SNTG2: variants seen among roughly 807,000 people sequenced by gnomAD.
The protein encoded by SNTG2 is gamma-2-syntrophin.
Under a neutral mutation model 70.9 loss-of-function variants are expected in SNTG2, and 74 were observed. The ratio of observed to expected loss-of-function variants is 1.04; its 90% CI spans 0.86 to 1.27. The LOEUF (loss-of-function observed/expected upper bound fraction) is 1.27. SNTG2 is among the 50% of genes most tolerant of loss of function. The pLI is 0.00. For missense variants in SNTG2, 717 were observed against 690.7 expected (o/e 1.04, Z -0.43); for synonymous variants, 278 against 273.8 (o/e 1.02, Z -0.15).
intron 11 of SNTG2, among the ~76,000 whole-genome samples, chr2:1,246,584 T>G (rs956398426): frequency 3.3e-5 from 5 of 152,246 alleles, no homozygotes; most frequent in Admixed American, 6.5e-5. Flanking sequence ...TTTATTTTTT[T>G]AAGTTTTTAA....
At chr2:1,046,398 C>T (rs1437137218) in intron 1 of SNTG2, among the ~76,000 whole-genome samples, 2 of 152,118 alleles carry the variant, frequency 1.3e-5, no homozygotes, top group Non-Finnish European at 2.9e-5. Context: ...ATCCTGTCAT[C>T]GTGTTATTAG....
At position 1,165,601 on chromosome 2, in the gene SNTG2, CAG is replaced by C; in HGVS notation, c.466_467del (p.Arg156GlyfsTer29). ...AAGTTACCATCACCGTTGAGTATCT[CAG>C]GGAAGCGCCGGCATTTCTGAAGCTC... ...DEVTITVEYL[R>X]EAPAFLKLPL... On this transcript the variant is annotated frameshift_variant, in exon 7 of 17. Coordinates refer to ENST00000308624, the MANE Select transcript of SNTG2 (RefSeq NM_018968.4). LOFTEE classifies it high-confidence loss of function. The C allele has an allele frequency of 4.3e-6, 7 of 1,613,106 alleles. No individual in the cohort carries two copies. Among genetic ancestry groups the C allele is most frequent in the South Asian group, 1.1e-5 (1 of 90,778 alleles).
chr2:1,257,276 C>A (rs1413731609), intron 12 of SNTG2, among the ~76,000 whole-genome samples: 1 of 152,194 alleles, frequency 6.6e-6, no homozygotes, highest in East Asian at 1.9e-4. Context: ...ATTCTCTTCC[C>A]TGAATCAATC....
chr2:1,109,255 A>C (rs1666282563), intron 4 of SNTG2, among the ~76,000 whole-genome samples: 1 of 152,098 alleles, frequency 6.6e-6, no homozygotes, highest in South Asian at 2.1e-4. Flanking sequence ...ACTTAATGAA[A>C]TGAGGAAGAA....
chr2:1,100,439 C>A (rs1665715638), intron 4 of SNTG2, among the ~76,000 whole-genome samples: 1 of 152,230 alleles, frequency 6.6e-6, no homozygotes, highest in South Asian at 2.1e-4. Flanking sequence ...GCCACCGCAC[C>A]CAGCCTCTTT....
At chr2:1,300,577 T>C (rs1680418009) in intron 14 of SNTG2, among the ~76,000 whole-genome samples, 1 of 152,188 alleles carries the variant, frequency 6.6e-6, no homozygotes, top group South Asian at 2.1e-4. Flanking sequence ...AAGAGCTACC[T>C]GTGCCCATGT....
intron 12 of SNTG2, among the ~76,000 whole-genome samples, chr2:1,255,902 AT>A (rs1678073514): frequency 4.9e-5 from 5 of 101,030 alleles, no homozygotes; most frequent in South Asian, 6.3e-4. Context: ...ATAAATATAT[AT>A]ATAAATATAT....
intron 4 of SNTG2, among the ~76,000 whole-genome samples, chr2:1,111,041 G>T (rs1329631402): frequency 6.6e-6 from 1 of 152,212 alleles, no homozygotes; most frequent in African/African-American, 2.4e-5. Flanking sequence ...TTTGTCTCAA[G>T]TTAGCTTTCC....
At chr2:973,278 GC>G (rs1336408473) in intron 1 of SNTG2, among the ~76,000 whole-genome samples, 1 of 152,056 alleles carries the variant, frequency 6.6e-6, no homozygotes, top group East Asian at 1.9e-4. Flanking sequence ...TGTTCTGAAG[GC>G]ATATTTAGGT....
chr2:1,007,936 G>A (rs1160865734), intron 1 of SNTG2, among the ~76,000 whole-genome samples: 2 of 152,090 alleles, frequency 1.3e-5, no homozygotes, highest in Non-Finnish European at 2.9e-5. Flanking sequence ...ATAATTTTTA[G>A]TAGAGACGGG....
At chr2:1,193,782 T>C (rs1044900177) in intron 8 of SNTG2, among the ~76,000 whole-genome samples, 1 of 152,240 alleles carries the variant, frequency 6.6e-6, no homozygotes, top group African/African-American at 2.4e-5. Flanking sequence ...TGTTTCTAGG[T>C]GAACACAGTT....
intron 14 of SNTG2, among the ~76,000 whole-genome samples, chr2:1,291,804 G>A (rs374995125): frequency 6.6e-6 from 1 of 152,144 alleles, no homozygotes; most frequent in African/African-American, 2.4e-5. Context: ...TTTTAAGATT[G>A]TTTTGGCTAT....
At chr2:1,338,971 A>C (rs1010063008) in intron 16 of SNTG2, among the ~76,000 whole-genome samples, 1 of 152,350 alleles carries the variant, frequency 6.6e-6, no homozygotes, top group Admixed American at 6.5e-5. Context: ...ACTTGTTTAC[A>C]TTCCAACTGG....
chr2:952,965 CAGTTA>C (rs58428053), intron 1 of SNTG2, among the ~76,000 whole-genome samples: 5,953 of 152,252 alleles, frequency 0.039, 378 homozygotes, highest in African/African-American at 0.14. Flanking sequence ...TTAATCATTT[CAGTTA>C]AGAGAACTTG....
At chr2:1,008,141 G>C (rs1422489931) in intron 1 of SNTG2, among the ~76,000 whole-genome samples, 1 of 152,124 alleles carries the variant, frequency 6.6e-6, no homozygotes, top group Admixed American at 6.5e-5. Context: ...TTATATTGAA[G>C]ACACTGTTTT....
chr2:1,003,963 T>A (rs1398794124), intron 1 of SNTG2, among the ~76,000 whole-genome samples: 1 of 152,218 alleles, frequency 6.6e-6, no homozygotes, highest in African/African-American at 2.4e-5. Context: ...GAAATCCCCA[T>A]GCAAACTGAA....
intron 4 of SNTG2, among the ~76,000 whole-genome samples, chr2:1,131,874 T>A (rs1243687187): frequency 6.6e-6 from 1 of 152,018 alleles, no homozygotes; most frequent in East Asian, 1.9e-4. Context: ...ATGGTCTCGA[T>A]CTCCTGACCT....
At chr2:998,137 T>C (rs1207533809) in intron 1 of SNTG2, among the ~76,000 whole-genome samples, 1 of 152,032 alleles carries the variant, frequency 6.6e-6, no homozygotes, top group African/African-American at 2.4e-5. Context: ...TATAGTCACA[T>C]CCTCAAGGGT....
chr2:1,272,462 G>T (rs1034299429), intron 14 of SNTG2, among the ~76,000 whole-genome samples: 2 of 65,000 alleles, frequency 3.1e-5, no homozygotes, highest in East Asian at 5.2e-4. Flanking sequence ...ACTGGTACTG[G>T]TAAAAAAAAA....
Sources: allele counts gnomAD v4.1 joint callset (sites outside exome capture counted in the v4.1 genomes callset), GRCh38; gene constraint gnomAD v4.1.1; transcripts MANE v1.5; gene names NCBI Gene and HGNC (gene_info 2026-07-23, HGNC 2026-07-21).